The following KCNN2 variants were observed in gnomAD, a reference collection of about 807,000 sequenced individuals.
KCNN2 encodes potassium calcium-activated channel subfamily N member 2, also known as small conductance calcium-activated potassium channel protein 2.
Under a neutral mutation model 55.5 loss-of-function variants are expected in KCNN2, and 24 were observed. The ratio of observed to expected loss-of-function variants is 0.43; its 90% CI spans 0.31 to 0.61. The LOEUF (loss-of-function observed/expected upper bound fraction) is 0.61. KCNN2 is among the 20% of genes least tolerant of loss of function. The pLI is 0.08. For missense variants in KCNN2, 754 were observed against 853.6 expected, an observed-to-expected ratio of 0.88 and a Z score of 1.45; for synonymous variants, 431 against 336.1, an observed-to-expected ratio of 1.28 and a Z score of -3.09.
chr5:114,334,260 ATGTG>A (rs56654295), intron 2 of KCNN2, among the ~76,000 whole-genome samples: 35,245 of 137,732 alleles, frequency 0.26, 5,002 homozygotes, highest in East Asian at 0.68. Context: ...CATATGCCTG[ATGTG>A]TGTGTGTGTG....
chr5:114,478,995 C>T (rs1033243660), intron 5 of KCNN2, among the ~76,000 whole-genome samples: 14 of 151,620 alleles, frequency 9.2e-5, no homozygotes, highest in African/African-American at 3.4e-4. Context: ...ATAAGCAACT[C>T]TTCAAAATAA....
At chr5:114,220,674 A>G (rs1032089300) in intron 1 of KCNN2, among the ~76,000 whole-genome samples, 4 of 152,062 alleles carry the variant, frequency 2.6e-5, no homozygotes, top group Admixed American at 2.0e-4. Context: ...TTAACAAGTG[A>G]ACATGGCTAA....
chr5:114,254,453 T>G (rs1013189646), intron 2 of KCNN2, among the ~76,000 whole-genome samples: 2 of 152,182 alleles, frequency 1.3e-5, no homozygotes, highest in African/African-American at 2.4e-5. Flanking sequence ...AAAACTGATA[T>G]TCAGGCAGAT....
intron 3 of KCNN2, among the ~76,000 whole-genome samples, chr5:114,446,455 T>G (rs1009723189): frequency 6.6e-6 from 1 of 152,136 alleles, no homozygotes; most frequent in Non-Finnish European, 1.5e-5. Flanking sequence ...ATACGGCTAT[T>G]TAATTTATAT....
At chr5:114,186,307 T>C (rs1304183094) in intron 1 of KCNN2, among the ~76,000 whole-genome samples, 2 of 152,192 alleles carry the variant, frequency 1.3e-5, no homozygotes, top group Non-Finnish European at 2.9e-5. Flanking sequence ...TTGAATCATA[T>C]TTGAAAGTAC....
intron 1 of KCNN2, among the ~76,000 whole-genome samples, chr5:114,131,495 T>C (rs938879192): frequency 6.6e-6 from 1 of 152,226 alleles, no homozygotes; most frequent in African/African-American, 2.4e-5. Flanking sequence ...TTCCATGGTG[T>C]ATGTGTACCA....
chr5:114,078,197 C>T (rs1251350684), intron 1 of KCNN2, among the ~76,000 whole-genome samples: 2 of 152,082 alleles, frequency 1.3e-5, no homozygotes, highest in Non-Finnish European at 2.9e-5. Flanking sequence ...AAAAGTACCT[C>T]GAGGGTGTCG....
rs1756202315 is a variant in KCNN2 at position 114,303,191 on chromosome 5, AT to A, written c.-184-57752del. Among the ~76,000 whole-genome samples, 4 of 152,318 alleles carry A rather than the reference AT, an allele frequency of 2.6e-5. 1 individual carries two copies. In the South Asian group the frequency reaches 8.3e-4, roughly 32 times the overall value. On this transcript the variant is annotated intron_variant, in intron 2 of 10. Coordinates refer to the KCNN2 transcript ENST00000512097. ...GAGAAGAAATCAGTATACCATATTT[AT>A]TGCTTTCCTACTTGGTATCAGACAC... is the stretch of plus-strand genomic sequence containing the variant.
At chr5:114,342,054 A>T (rs1365778421) in intron 2 of KCNN2, among the ~76,000 whole-genome samples, 6 of 152,140 alleles carry the variant, frequency 3.9e-5, no homozygotes, top group South Asian at 4.2e-4. Context: ...GGCACCCGCC[A>T]CCATGCCTGG....
chr5:114,275,204 A>G (rs756046958), intron 2 of KCNN2, among the ~76,000 whole-genome samples: 5 of 152,146 alleles, frequency 3.3e-5, no homozygotes, highest in Non-Finnish European at 7.3e-5. Flanking sequence ...GTGGTGGATA[A>G]GCTTTTTGAT....
intron 1 of KCNN2, among the ~76,000 whole-genome samples, chr5:114,221,338 A>C (rs991489180): frequency 5.9e-5 from 9 of 152,190 alleles, no homozygotes; most frequent in Non-Finnish European, 1.2e-4. Flanking sequence ...ATTACTGACA[A>C]TATATGCTAG....
At chr5:114,156,529 C>G (rs1752638917) in intron 1 of KCNN2, among the ~76,000 whole-genome samples, 2 of 152,008 alleles carry the variant, frequency 1.3e-5, no homozygotes, top group South Asian at 4.1e-4. Flanking sequence ...GAAGGTTTTT[C>G]CATTTGTTGG....
intron 3 of KCNN2, among the ~76,000 whole-genome samples, chr5:114,415,846 T>A (rs758650342): frequency 2.6e-5 from 4 of 152,192 alleles, no homozygotes; most frequent in Non-Finnish European, 5.9e-5. Context: ...TCATTTTCAT[T>A]GTTTTTGAAT....
chr5:114,195,619 C>A (rs1050416883), intron 1 of KCNN2, among the ~76,000 whole-genome samples: 1 of 151,748 alleles, frequency 6.6e-6, no homozygotes, highest in African/African-American at 2.4e-5. Context: ...AATTATGTCA[C>A]CTATGAAGAG....
At chr5:114,458,911 T>C (rs1268808064) in intron 3 of KCNN2, among the ~76,000 whole-genome samples, 1 of 152,162 alleles carries the variant, frequency 6.6e-6, no homozygotes, top group East Asian at 1.9e-4. Flanking sequence ...CTGTGAAGGA[T>C]AACAGCATAC....
chr5:114,119,889 G>A (rs957054673), intron 1 of KCNN2, among the ~76,000 whole-genome samples: 3 of 152,082 alleles, frequency 2.0e-5, no homozygotes, highest in Non-Finnish European at 2.9e-5. Flanking sequence ...TTGGTGTCTC[G>A]CATAGGTTTT....
chr5:114,186,405 G>A (rs1753336068), intron 1 of KCNN2, among the ~76,000 whole-genome samples: 1 of 152,294 alleles, frequency 6.6e-6, no homozygotes, highest in Admixed American at 6.5e-5. Flanking sequence ...ATAGAAAAAT[G>A]AGGTGCCATT....
At chr5:114,239,912 A>G (rs1425329863) in intron 2 of KCNN2, among the ~76,000 whole-genome samples, 14 of 152,188 alleles carry the variant, frequency 9.2e-5, no homozygotes, top group Admixed American at 9.2e-4. Flanking sequence ...AAAAATTTTG[A>G]AGTATTAGAT....
At chr5:114,259,439 C>T (rs952023381) in intron 2 of KCNN2, among the ~76,000 whole-genome samples, 25 of 152,140 alleles carry the variant, frequency 1.6e-4, no homozygotes, top group Non-Finnish European at 5.9e-5. Context: ...GGTGCCCTGC[C>T]ACTGCCACTC....
Sources: allele counts gnomAD v4.1 joint callset (sites outside exome capture counted in the v4.1 genomes callset), GRCh38; gene constraint gnomAD v4.1.1; transcripts MANE v1.5; gene names NCBI Gene and HGNC (gene_info 2026-07-23, HGNC 2026-07-21).